The following GPR158 variants were observed in gnomAD, a reference collection of about 807,000 sequenced individuals.
GPR158 encodes G protein-coupled receptor 158, also known as metabotropic glycine receptor.
GPR158 carries 30 observed loss-of-function variants against 78.2 expected under a neutral mutation model. The observed-to-expected ratio is 0.38, with a 90% CI of 0.29 to 0.52. GPR158 has a LOEUF of 0.52. GPR158 is among the 20% of genes least tolerant of loss of function. The pLI is 0.83. For missense variants in GPR158, 1,463 were observed against 1,523.5 expected (o/e 0.96, Z 0.66); for synonymous variants, 581 against 591.1 (o/e 0.98, Z 0.25).
chr10:25,327,201 C>T (rs1359875223), intron 2 of GPR158, among the ~76,000 whole-genome samples: 1 of 151,692 alleles, frequency 6.6e-6, no homozygotes, highest in Non-Finnish European at 1.5e-5. Flanking sequence ...GAAGAAAAAC[C>T]ACCCTAAATA....
At chr10:25,250,417 T>G (rs982050293) in intron 2 of GPR158, among the ~76,000 whole-genome samples, 1 of 147,276 alleles carries the variant, frequency 6.8e-6, no homozygotes. Context: ...GGTGTCAATT[T>G]TGGATCTTTC....
intron 5 of GPR158, among the ~76,000 whole-genome samples, chr10:25,550,364 T>A (rs1836711407): frequency 6.6e-6 from 1 of 152,134 alleles, no homozygotes; most frequent in African/African-American, 2.4e-5. Flanking sequence ...AGTGAGGTAA[T>A]TGAGCCAAGT....
intron 5 of GPR158, among the ~76,000 whole-genome samples, chr10:25,478,490 A>ATGTGTGTG (rs570190934): frequency 8.7e-5 from 12 of 138,032 alleles, no homozygotes; most frequent in African/African-American, 2.5e-4. Flanking sequence ...GAAATATATA[A>ATGTGTGTG]TGCGTGTGTG....
intron 5 of GPR158, among the ~76,000 whole-genome samples, chr10:25,512,045 G>A (rs1456608779): frequency 1.3e-5 from 2 of 151,802 alleles, no homozygotes; most frequent in Non-Finnish European, 2.9e-5. Flanking sequence ...ATGAATTTTA[G>A]GATTGTTTTT....
intron 6 of GPR158, among the ~76,000 whole-genome samples, chr10:25,566,391 A>G (rs909579269): frequency 1.3e-5 from 2 of 152,122 alleles, no homozygotes; most frequent in Admixed American, 1.3e-4. Context: ...GAAATGAGTG[A>G]GTTTCACAGC....
intron 2 of GPR158, among the ~76,000 whole-genome samples, chr10:25,249,536 T>C (rs1208552538): frequency 6.6e-6 from 1 of 151,980 alleles, no homozygotes; most frequent in Non-Finnish European, 1.5e-5. Context: ...TGTTGAATTT[T>C]GTCAAAGGCT....
At chr10:25,313,140 A>T (rs929861504) in intron 2 of GPR158, among the ~76,000 whole-genome samples, 1 of 150,930 alleles carries the variant, frequency 6.6e-6, no homozygotes, top group Non-Finnish European at 1.5e-5. Context: ...GGGTGACCTT[A>T]CCTTTTTTCT....
intron 7 of GPR158, among the ~76,000 whole-genome samples, chr10:25,581,172 C>G (rs1837192972): frequency 6.6e-6 from 1 of 152,152 alleles, no homozygotes; most frequent in Admixed American, 6.5e-5. Flanking sequence ...TCATGATCCA[C>G]CCGCCTCGGC....
At chr10:25,226,016 TTTAAC>T (rs1479478119) in intron 2 of GPR158, among the ~76,000 whole-genome samples, 1 of 152,184 alleles carries the variant, frequency 6.6e-6, no homozygotes, top group Non-Finnish European at 1.5e-5. Flanking sequence ...TTTCATTTAG[TTTAAC>T]TTTTCATTTA....
intron 2 of GPR158, among the ~76,000 whole-genome samples, chr10:25,246,931 G>T (rs1853700088): frequency 6.6e-6 from 1 of 152,164 alleles, no homozygotes; most frequent in Non-Finnish European, 1.5e-5. Flanking sequence ...AGGTATTGAA[G>T]AGATTAATAG....
chr10:25,344,376 C>G (rs1041031563), intron 2 of GPR158, among the ~76,000 whole-genome samples: 1 of 151,300 alleles, frequency 6.6e-6, no homozygotes, highest in Non-Finnish European at 1.5e-5. Flanking sequence ...TATATATTAC[C>G]TCAGCCATTT....
At chr10:25,473,296 G>T (rs1044523191) in intron 5 of GPR158, among the ~76,000 whole-genome samples, 1 of 152,164 alleles carries the variant, frequency 6.6e-6, no homozygotes, top group South Asian at 2.1e-4. Flanking sequence ...TGCATCCCAG[G>T]GATGAAGCCC....
intron 5 of GPR158, among the ~76,000 whole-genome samples, chr10:25,497,140 A>C (rs1196585537): frequency 1.3e-5 from 2 of 152,230 alleles, no homozygotes; most frequent in African/African-American, 2.4e-5. Flanking sequence ...AAGGGGAGTC[A>C]GATCTTGAGG....
At chr10:25,352,153 A>G (rs1336624506) in intron 2 of GPR158, among the ~76,000 whole-genome samples, 1 of 152,036 alleles carries the variant, frequency 6.6e-6, no homozygotes, top group Non-Finnish European at 1.5e-5. Flanking sequence ...CTGTAGCCCT[A>G]TGGCCAGCAT....
At chr10:25,540,945 A>AAAAAATATAT (rs1342123329) in intron 5 of GPR158, among the ~76,000 whole-genome samples, 10 of 82,908 alleles carry the variant, frequency 1.2e-4, no homozygotes, top group African/African-American at 8.8e-4. Flanking sequence ...GTATAATAAA[A>AAAAAATATAT]ATATATATAT....
chr10:25,317,051 A>AT (rs111929383), intron 2 of GPR158, among the ~76,000 whole-genome samples: 9,390 of 141,696 alleles, frequency 0.066, 558 homozygotes, highest in African/African-American at 0.15. Context: ...TTTTAAAGTA[A>AT]TTTTTTTTTT....
chr10:25,405,891 T>A (rs1834508260), intron 3 of GPR158, among the ~76,000 whole-genome samples: 1 of 152,094 alleles, frequency 6.6e-6, no homozygotes, highest in Non-Finnish European at 1.5e-5. Flanking sequence ...CTTAGTGACC[T>A]ACAAGATCCC....
intron 6 of GPR158, among the ~76,000 whole-genome samples, chr10:25,556,111 G>T (rs1483080530): frequency 6.6e-6 from 1 of 152,194 alleles, no homozygotes; most frequent in African/African-American, 2.4e-5. Flanking sequence ...AAACTGAAGT[G>T]CCTGAAGTGC....
chr10:25,423,787 A>C (rs559459295), intron 4 of GPR158, among the ~76,000 whole-genome samples: 1 of 152,138 alleles, frequency 6.6e-6, no homozygotes, highest in Non-Finnish European at 1.5e-5. Flanking sequence ...TCTATCATTG[A>C]TGGAAATTTG....
Sources: allele counts gnomAD v4.1 joint callset (sites outside exome capture counted in the v4.1 genomes callset), GRCh38; gene constraint gnomAD v4.1.1; transcripts MANE v1.5; gene names NCBI Gene and HGNC (gene_info 2026-07-23, HGNC 2026-07-21).